Variants in ASTN2 observed in about 807,000 individuals in gnomAD.
ASTN2 encodes the protein astrotactin-2.
In ASTN2, 54 loss-of-function variants were observed where a neutral mutation model predicts 139.8. The observed-to-expected ratio is 0.39, with a 90% CI of 0.31 to 0.48. ASTN2 has a LOEUF of 0.48. Among genes scored for constraint, ASTN2 ranks in the 20% least tolerant of loss-of-function variants. ASTN2 has a pLI of 0.95. For missense variants in ASTN2, 1,565 were observed against 1,725.1 expected (o/e 0.91, Z 1.64); for synonymous variants, 756 against 719.5 (o/e 1.05, Z -0.81).
intron 1 of ASTN2, among the ~76,000 whole-genome samples, chr9:117,301,095 T>G (rs1045141859): frequency 6.6e-6 from 1 of 152,174 alleles, no homozygotes; most frequent in African/African-American, 2.4e-5. Context: ...TCAGATTAGA[T>G]TTGGAAATAG....
chr9:117,209,956 C>A (rs77189300), intron 3 of ASTN2, among the ~76,000 whole-genome samples: 2,445 of 152,064 alleles, frequency 0.016, 60 homozygotes, highest in African/African-American at 0.057. Context: ...CCTGAATGAC[C>A]AATGAGTGAA....
intron 13 of ASTN2, among the ~76,000 whole-genome samples, chr9:116,740,714 C>CTG (rs1829076957): frequency 6.6e-6 from 1 of 151,792 alleles, no homozygotes; most frequent in South Asian, 2.1e-4. Context: ...TGGGGTTTCA[C>CTG]TGTGTTAGCC....
intron 17 of ASTN2, among the ~76,000 whole-genome samples, chr9:116,628,054 A>C (rs1471190874): frequency 6.6e-6 from 1 of 152,198 alleles, no homozygotes; most frequent in Non-Finnish European, 1.5e-5. Context: ...GCCTCCATAT[A>C]AAAGACAATC....
At chr9:117,312,271 G>A (rs142621694) in intron 1 of ASTN2, among the ~76,000 whole-genome samples, 1 of 152,150 alleles carries the variant, frequency 6.6e-6, no homozygotes, top group Non-Finnish European at 1.5e-5. Context: ...TTTCATCAAA[G>A]TAATAAATAG....
At chr9:116,433,865 T>C (rs1847568694) in intron 22 of ASTN2, among the ~76,000 whole-genome samples, 2 of 152,224 alleles carry the variant, frequency 1.3e-5, no homozygotes, top group Non-Finnish European at 1.5e-5. Flanking sequence ...GCATTTGCTT[T>C]CTCTTTTCAT....
chr9:117,064,775 A>C (rs1236589616), intron 5 of ASTN2, among the ~76,000 whole-genome samples: 1 of 150,894 alleles, frequency 6.6e-6, no homozygotes, highest in Non-Finnish European at 1.5e-5. Context: ...AAAACTGTAC[A>C]TGTAACCCCT....
At chr9:116,491,176 C>T (rs1849507597) in intron 19 of ASTN2, among the ~76,000 whole-genome samples, 1 of 152,172 alleles carries the variant, frequency 6.6e-6, no homozygotes, top group Non-Finnish European at 1.5e-5. Flanking sequence ...GTTCTATTCA[C>T]AACTGTATGA....
Position 117,009,029 on chromosome 9 carries a change from G to A in ASTN2, c.1424-770C>T, listed in dbSNP as rs942314850. Among the ~76,000 whole-genome samples, 7 of 152,252 alleles carry A rather than the reference G, an allele frequency of 4.6e-5. No homozygotes were observed. In the East Asian group the frequency reaches 1.2e-3, roughly 25 times the overall value. On this transcript the variant is annotated intron_variant, in intron 6 of 22. Coordinates refer to ENST00000313400, the MANE Select transcript of ASTN2 (RefSeq NM_001365068.1). ...AATGCCCTGATGTGGCAAAACAATA[G>A]GGAGAAGGAGAAGGTGGGGTTTGGG...
At chr9:117,240,009 A>T (rs1415561726) in intron 2 of ASTN2, among the ~76,000 whole-genome samples, 3 of 152,254 alleles carry the variant, frequency 2.0e-5, no homozygotes, top group Admixed American at 6.5e-5. Context: ...TGTCAAAAAC[A>T]TCATAAATTG....
rs115620327 is a variant in ASTN2, at chr9:117,197,973, T to C, written c.1015+16385A>G. Among the ~76,000 whole-genome samples the C allele has an allele frequency of 9.5e-3, 1,418 of 148,940 alleles. 25 individuals carry two copies. The highest frequency in any genetic ancestry group is 0.033 in the African/African-American group (1,364 of 41,342). On this transcript the variant is annotated intron_variant, in intron 3 of 22. Transcript: ENST00000313400. Reference sequence around the variant, plus strand: ...CTTCTTTGAAGGTAATGTATCTTTTTCTTCTGGCTGTTTTTAAGATTTTTT... The same window carrying C: ...CTTCTTTGAAGGTAATGTATCTTTTCCTTCTGGCTGTTTTTAAGATTTTTT...
chr9:116,541,963 A>C (rs923561771), intron 19 of ASTN2, among the ~76,000 whole-genome samples: 1 of 152,226 alleles, frequency 6.6e-6, no homozygotes, highest in Non-Finnish European at 1.5e-5. Flanking sequence ...CCTATAATTC[A>C]ATATCACAGC....
intron 6 of ASTN2, among the ~76,000 whole-genome samples, chr9:117,013,033 CT>C (rs1211760794): frequency 2.6e-5 from 4 of 152,086 alleles, no homozygotes; most frequent in Admixed American, 6.6e-5. Context: ...CCATCCCTCA[CT>C]TTCCTTACTT....
At chr9:117,168,945 A>C (rs1041557277) in intron 3 of ASTN2, among the ~76,000 whole-genome samples, 1 of 152,138 alleles carries the variant, frequency 6.6e-6, no homozygotes, top group Non-Finnish European at 1.5e-5. Flanking sequence ...TTTTGCCTCT[A>C]TCTGTTAATT....
chr9:116,933,794 T>C (rs1834979458), intron 10 of ASTN2, among the ~76,000 whole-genome samples: 1 of 151,798 alleles, frequency 6.6e-6, no homozygotes. Context: ...ACAAAAACAA[T>C]ACTGACAGGA....
At chr9:117,276,654 G>A (rs1223831644) in intron 2 of ASTN2, among the ~76,000 whole-genome samples, 1 of 152,188 alleles carries the variant, frequency 6.6e-6, no homozygotes, top group African/African-American at 2.4e-5. Context: ...GCTTGTGCTT[G>A]TACCCCTGCA....
At chr9:116,493,871 CTT>C (rs964043394) in intron 19 of ASTN2, among the ~76,000 whole-genome samples, 23 of 152,288 alleles carry the variant, frequency 1.5e-4, no homozygotes, top group South Asian at 6.2e-4. Flanking sequence ...GCTCCACACT[CTT>C]TTCGGGAAAC....
intron 19 of ASTN2, chr9:116,543,762 G>A (rs1263176721): frequency 1.3e-5 from 2 of 152,168 alleles, no homozygotes; most frequent in African/African-American, 2.4e-5. Flanking sequence ...GGAGCTGATA[G>A]ATGCTTCTCA....
chr9:116,828,300 C>CAA (rs34187222), intron 11 of ASTN2, among the ~76,000 whole-genome samples: 9,860 of 131,986 alleles, frequency 0.075, 1,442 homozygotes, highest in African/African-American at 0.26. Context: ...GACTCCGTCT[C>CAA]AAAAAAAAAA....
At chr9:116,874,895 A>G (rs1833256423) in intron 10 of ASTN2, among the ~76,000 whole-genome samples, 1 of 152,194 alleles carries the variant, frequency 6.6e-6, no homozygotes, top group Non-Finnish European at 1.5e-5. Context: ...TAGTTCTCAC[A>G]ATATTTCAAA....
Sources: gnomAD v4.1 joint callset for allele counts (sites outside exome capture counted in the v4.1 genomes callset) on GRCh38, gnomAD v4.1.1 for gene constraint, MANE v1.5 for transcripts, NCBI Gene and HGNC (gene_info 2026-07-23, HGNC 2026-07-21) for gene names.